The following ZSCAN25 variants were observed in gnomAD, a reference collection of about 807,000 sequenced individuals.
ZSCAN25 encodes zinc finger and SCAN domain containing 25.
A neutral mutation model predicts 38.7 loss-of-function variants in ZSCAN25; 27 were observed. The ratio of observed to expected loss-of-function variants is 0.70; its 90% CI spans 0.51 to 0.96. The LOEUF is 0.96. Ranked by LOEUF, ZSCAN25 falls within the 40% of genes least tolerant of loss-of-function variation. The pLI, the probability that ZSCAN25 is intolerant of heterozygous loss-of-function variation, is 0.00. For missense variants in ZSCAN25, 637 were observed against 705.9 expected (o/e 0.90, Z 1.11); for synonymous variants, 273 against 277.7 (o/e 0.98, Z 0.17).
the ZSCAN25 span, chr7:99,666,473 G>T: frequency 9.9e-7 from 1 of 1,007,364 alleles, no homozygotes; most frequent in Non-Finnish European, 1.5e-6. Flanking sequence ...GTGGCTCTTT[G>T]GAGTTGCAGC....
chr7:99,650,298 G>T, the ZSCAN25 span: 2 of 1,511,732 alleles, frequency 1.3e-6, no homozygotes, highest in Non-Finnish European at 1.8e-6. Flanking sequence ...CATGTTAGGG[G>T]TTCTTACTTA....
the ZSCAN25 span, chr7:99,665,060 A>G: frequency 1.9e-6 from 2 of 1,055,168 alleles, no homozygotes; most frequent in South Asian, 3.4e-5. Flanking sequence ...TATCTTAAAA[A>G]CAATGGAATT....
chr7:99,719,031 G>T, the ZSCAN25 span, among the ~76,000 whole-genome samples: 1 of 152,196 alleles, frequency 6.6e-6, no homozygotes, highest in African/African-American at 2.4e-5. Context: ...GGCATACTAT[G>T]TTCATGAATT....
At chr7:99,672,531 T>C in the ZSCAN25 span, 1 of 1,486,126 alleles carries the variant, frequency 6.7e-7, no homozygotes, top group Non-Finnish European at 9.4e-7. Flanking sequence ...AAATAAAAAT[T>C]TAATCAGTGG....
the ZSCAN25 span, among the ~76,000 whole-genome samples, chr7:99,726,099 C>T: frequency 6.6e-5 from 10 of 152,164 alleles, no homozygotes; most frequent in Non-Finnish European, 1.5e-5. Context: ...TCATTGCCAT[C>T]CTTCTTCCCA....
chr7:99,665,102 G>T, the ZSCAN25 span: 1 of 1,338,844 alleles, frequency 7.5e-7, no homozygotes, highest in South Asian at 1.4e-5. Flanking sequence ...TATACGATAT[G>T]TGAATTATAT....
chr7:99,709,324 A>G, the ZSCAN25 span: 1 of 1,571,460 alleles, frequency 6.4e-7, no homozygotes, highest in Non-Finnish European at 8.6e-7. Flanking sequence ...AACTCAGTCC[A>G]TGTAGTACTG....
At chr7:99,638,060 A>G in the ZSCAN25 span, among the ~76,000 whole-genome samples, 1 of 152,228 alleles carries the variant, frequency 6.6e-6, no homozygotes, top group African/African-American at 2.4e-5. Flanking sequence ...CGCAAAGCCG[A>G]AAAAGGAAAA....
chr7:99,714,499 A>G, the ZSCAN25 span: 1 of 1,604,454 alleles, frequency 6.2e-7, no homozygotes. Flanking sequence ...TCATATGTAT[A>G]TTTCTAAAAA....
At chr7:99,653,573 AG>A in the ZSCAN25 span, among the ~76,000 whole-genome samples, 2 of 152,234 alleles carry the variant, frequency 1.3e-5, no homozygotes, top group Non-Finnish European at 2.9e-5. The surrounding 1 kb of genome is among the most constrained non-coding windows in gnomAD (Gnocchi z 4.2). Context: ...TTTGAGTTCT[AG>A]TTAAAGTTAT....
chr7:99,728,999 ATGT>A, the ZSCAN25 span, among the ~76,000 whole-genome samples: 1 of 152,184 alleles, frequency 6.6e-6, no homozygotes, highest in Non-Finnish European at 1.5e-5. Context: ...TAAATGAAGA[ATGT>A]TGTTTTTATC....
At chr7:99,734,949 A>G in the ZSCAN25 span, 5 of 1,607,600 alleles carry the variant, frequency 3.1e-6, no homozygotes, top group South Asian at 1.1e-5. Context: ...TTCAAAACAG[A>G]TAAGGGAAAG....
At chr7:99,661,713 A>G in the ZSCAN25 span, among the ~76,000 whole-genome samples, 2 of 152,232 alleles carry the variant, frequency 1.3e-5, no homozygotes, top group Non-Finnish European at 1.5e-5. Context: ...GTTCTGATTT[A>G]TCAGTGAATA....
At chr7:99,665,173 G>A in the ZSCAN25 span, 1 of 1,610,112 alleles carries the variant, frequency 6.2e-7, no homozygotes, top group Non-Finnish European at 8.5e-7. Flanking sequence ...TACTTATTGA[G>A]AGAAATAATG....
the ZSCAN25 span, among the ~76,000 whole-genome samples, chr7:99,701,532 T>C: frequency 6.6e-6 from 1 of 152,364 alleles, no homozygotes; most frequent in South Asian, 2.1e-4. Context: ...ACCTCCAAAC[T>C]GTTCTCTATA....
At chr7:99,645,635 T>C in the ZSCAN25 span, among the ~76,000 whole-genome samples, 1 of 152,174 alleles carries the variant, frequency 6.6e-6, no homozygotes, top group Admixed American at 6.5e-5. Context: ...TGACTCTTTA[T>C]TAATAGCCAT....
the ZSCAN25 span, chr7:99,647,609 G>A: frequency 1.6e-4 from 160 of 985,310 alleles, no homozygotes; most frequent in African/African-American, 2.1e-3. Context: ...TAAGTGCTTC[G>A]TTGAGTGTTA....
chr7:99,665,144 A>G, the ZSCAN25 span: 1 of 1,555,900 alleles, frequency 6.4e-7, no homozygotes, highest in South Asian at 1.2e-5. Flanking sequence ...AAAAAGAGAG[A>G]AAGAAATAAT....
intron 5 of ZSCAN25, chr7:99,621,877 A>G: frequency 3.9e-6 from 1 of 257,738 alleles, no homozygotes; most frequent in East Asian, 7.0e-5. Flanking sequence ...ATACTTTTTC[A>G]GTAGGCAGAT....
Sources: allele counts gnomAD v4.1 joint callset (sites outside exome capture counted in the v4.1 genomes callset), GRCh38; gene constraint gnomAD v4.1.1; non-coding constraint Gnocchi (gnomAD v3.1); transcripts MANE v1.5; gene names NCBI Gene and HGNC (gene_info 2026-07-23, HGNC 2026-07-21).